CD109: variants seen among roughly 807,000 people sequenced by gnomAD.
CD109 encodes the protein CD109 antigen.
In CD109, 149 loss-of-function variants were observed where a neutral mutation model predicts 165.8. That is an observed-to-expected ratio of 0.90 (90% CI 0.79 to 1.03). The LOEUF (loss-of-function observed/expected upper bound fraction) is 1.03, where lower values mean the gene tolerates loss of function less well. Ranked by LOEUF, CD109 falls within the 50% of genes least tolerant of loss-of-function variation. The pLI is 0.00. For synonymous variants in CD109, 585 were observed against 592.1 expected, an observed-to-expected ratio of 0.99 and a Z score of 0.18; for missense variants, 1,712 against 1,677.8, an observed-to-expected ratio of 1.02 and a Z score of -0.36.
intron 15 of CD109, among the ~76,000 whole-genome samples, chr6:73,772,633 A>G (rs533983296): frequency 7.2e-5 from 11 of 152,090 alleles, no homozygotes; most frequent in Admixed American, 5.9e-4. Flanking sequence ...AACATCTAGC[A>G]TTGCATAAAT....
At chr6:73,811,563 G>A (rs937466464) in intron 28 of CD109, among the ~76,000 whole-genome samples, 1 of 152,158 alleles carries the variant, frequency 6.6e-6, no homozygotes, top group East Asian at 1.9e-4. Context: ...CATGTTACTA[G>A]TAACAGTAGA....
In CD109 at chr6:73,804,763, T is replaced by C. The variant is rs139150121; in HGVS notation, c.2960+1462T>C. Among the ~76,000 whole-genome samples, 85 of 152,362 alleles carry C rather than the reference T, an allele frequency of 5.6e-4. 1 individual carries two copies. Among genetic ancestry groups the C allele is most frequent in the African/African-American group, 2.0e-3 (82 of 41,580 alleles). Reference sequence around the variant, plus strand: ...CACAGCTTTGGGGCTGACTGAAGCGTGTTGGAGCTCTTCTTTGGTAAATAT... The same window carrying C: ...CACAGCTTTGGGGCTGACTGAAGCGCGTTGGAGCTCTTCTTTGGTAAATAT... On this transcript the variant is annotated intron_variant, in intron 24 of 32. Transcript: ENST00000287097.
chr6:73,732,938 C>T (rs1772416648), intron 4 of CD109, among the ~76,000 whole-genome samples: 2 of 152,070 alleles, frequency 1.3e-5, no homozygotes, highest in South Asian at 4.1e-4. Flanking sequence ...GGAGTTTAAA[C>T]TAAAATTCTA....
intron 16 of CD109, among the ~76,000 whole-genome samples, 200 bp downstream of exon 16, chr6:73,780,698 A>T (rs1393278760): frequency 6.7e-6 from 1 of 150,202 alleles, no homozygotes; most frequent in African/African-American, 2.4e-5. Context: ...CCATTGGAAA[A>T]GTTAATGGAA....
intron 2 of CD109, among the ~76,000 whole-genome samples, chr6:73,719,139 G>A (rs1310809274): frequency 6.6e-6 from 1 of 152,042 alleles, no homozygotes; most frequent in African/African-American, 2.4e-5. Flanking sequence ...TCAGAAATAT[G>A]GGGTGTATTT....
intron 14 of CD109, among the ~76,000 whole-genome samples, chr6:73,768,757 A>G (rs1773937913): frequency 6.6e-6 from 1 of 152,172 alleles, no homozygotes; most frequent in Non-Finnish European, 1.5e-5. Flanking sequence ...AGTGCCTTTT[A>G]TAGCCTAATG....
At position 73,823,577 on chromosome 6, in the gene CD109, T is replaced by G. The variant is rs764408930; in HGVS notation, c.4282T>G (p.Ser1428Ala). Residue 1428 changes from serine (S) to alanine (A), a missense_variant, in exon 33 of 33, where the codon TCA becomes GCA. Ser to Ala is a moderately conservative substitution (Grantham distance 99). Coordinates refer to ENST00000287097, the MANE Select transcript of CD109 (RefSeq NM_133493.5). ...DGASGSHHHSSVIFIFCFKLL... is the reference protein window; with the variant it reads ...DGASGSHHHSAVIFIFCFKLL... ...AGCTTCAGGCTCCCATCATCACTCT[T>G]CAGTCATTTTTATTTTCTGTTTCAA... 2.3e-5 allele frequency: 37 copies of G among 1,613,758 alleles called. No individual in the cohort carries two copies. The highest frequency in any genetic ancestry group is 3.1e-5 in the Non-Finnish European group (37 of 1,179,958).
At chr6:73,766,252 G>T in intron 11 of CD109, 98 bp downstream of exon 11, 1 of 884,244 alleles carries the variant, frequency 1.1e-6, no homozygotes, top group South Asian at 1.7e-5. Flanking sequence ...AAGTACATAG[G>T]AAGTGGACAC....
In CD109 at chr6:73,730,342, A is replaced by T. The variant is rs1168310607; in HGVS notation, c.277-2A>T. The T allele has an allele frequency of 6.3e-7, 1 of 1,584,120 alleles. No individual in the cohort carries two copies. Among genetic ancestry groups the T allele is most frequent in the Non-Finnish European group, 8.6e-7 (1 of 1,158,368 alleles). On this transcript the variant is annotated splice_acceptor_variant, in intron 3 of 32. Transcript: ENST00000287097. LOFTEE classifies it high-confidence loss of function. Reference sequence around the variant, plus strand: ...TGATGTGTGATCTCTTTTTCCCCCCAGCTACCTCTGAACAGTGCAGATGAG... The same window carrying T: ...TGATGTGTGATCTCTTTTTCCCCCCTGCTACCTCTGAACAGTGCAGATGAG...
rs551656543 is a variant in CD109, at chr6:73,697,288, C to T, written c.75-112C>T. On this transcript the variant is annotated intron_variant, in intron 1 of 32. Transcript: ENST00000287097. ...CAGTGGGCAATGTTAACGGAAACAA[C>T]TGCAATTGGCGCAGTATGGAGTGCC... 1.8e-4 allele frequency: 159 copies of T among 863,674 alleles called. 1 individual carries two copies. Among genetic ancestry groups the T allele is most frequent in the South Asian group, 4.8e-4 (28 of 58,562 alleles). 53.5% of individuals were successfully genotyped at this position (863,674 alleles called of 1,614,324 possible).
intron 5 of CD109, among the ~76,000 whole-genome samples, chr6:73,756,108 T>C (rs1187221124): frequency 6.6e-6 from 1 of 152,344 alleles, no homozygotes; most frequent in East Asian, 1.9e-4. Context: ...GATGTATTGA[T>C]TTAAGAATTA....
chr6:73,737,635 A>G (rs1483481699), intron 5 of CD109, among the ~76,000 whole-genome samples: 2 of 152,352 alleles, frequency 1.3e-5, no homozygotes, highest in African/African-American at 2.4e-5. Flanking sequence ...CCACTGTTAT[A>G]AATGGCAGCC....
At chr6:73,700,072 C>T (rs1771004535) in intron 2 of CD109, among the ~76,000 whole-genome samples, 1 of 152,146 alleles carries the variant, frequency 6.6e-6, no homozygotes, top group South Asian at 2.1e-4. Flanking sequence ...ACACCAAACA[C>T]CAACAAATAA....
chr6:73,746,685 T>G (rs1562043952), intron 5 of CD109, among the ~76,000 whole-genome samples: 1 of 152,164 alleles, frequency 6.6e-6, no homozygotes, highest in Non-Finnish European at 1.5e-5. Flanking sequence ...GGAGTATGAA[T>G]GTGCTTGTGA....
chr6:73,730,496 G>GC lies in CD109; in HGVS notation c.430dup (p.Gln144ProfsTer15), dbSNP rs752703405. 4 of 1,614,126 alleles carry GC rather than the reference G, an allele frequency of 2.5e-6. No homozygotes were observed. Among genetic ancestry groups the GC allele is most frequent in the Non-Finnish European group, 2.5e-6 (3 of 1,180,004 alleles). ...CAGACAAGGCCTTATACAAGCCAAA[G>GC]CAAGAAGTGAAGTTTCGCATTGTTA... On this transcript the variant is annotated frameshift_variant, in exon 4 of 33. Transcript: ENST00000287097. LOFTEE classifies it high-confidence loss of function.
Position 73,811,091 on chromosome 6 carries a change from A to G in CD109, c.3646A>G (p.Ser1216Gly). The G allele has an allele frequency of 1.2e-6, 2 of 1,613,440 alleles. No homozygotes were observed. Among genetic ancestry groups the G allele is most frequent in the African/African-American group, 2.7e-5 (2 of 75,002 alleles). Reference sequence around the variant, plus strand: ...GACCGTGACGGGGCCTAGCTCACCAAGTCCTGTAAAGTTTCTGATTGACAC... The same window carrying G: ...GACCGTGACGGGGCCTAGCTCACCAGGTCCTGTAAAGTTTCTGATTGACAC... ...QVTVTGPSSP[S>G]PVKFLIDTHN... The change falls in exon 28 of 33, where the codon AGT becomes GGT. Residue 1216 changes from serine (S) to glycine (G), a missense_variant. By Grantham distance (56) the Ser-to-Gly change is moderately conservative. Coordinates refer to ENST00000287097, the MANE Select transcript of CD109 (RefSeq NM_133493.5).
chr6:73,736,422 C>T lies in CD109; in HGVS notation c.547C>T (p.Gln183Ter). 6.2e-7 allele frequency: 1 copy of T among 1,613,876 alleles called. No homozygotes were observed. Among genetic ancestry groups the T allele is most frequent in the East Asian group, 2.2e-5 (1 of 44,854 alleles). ...SNLIQQWLSQ[Q>*]SDLGVISKTF... Reference sequence around the variant, plus strand: ...TTTGATCCAACAGTGGTTGTCACAACAAAGTGATCTTGGAGTCATTTCCAA... The same window carrying T: ...TTTGATCCAACAGTGGTTGTCACAATAAAGTGATCTTGGAGTCATTTCCAA... The change falls in exon 5 of 33, where the codon CAA (glutamine) becomes TAA (stop). Residue 183 changes from glutamine (Q) to a stop codon, truncating the protein, a stop_gained. Transcript: ENST00000287097. LOFTEE classifies it high-confidence loss of function.
intron 22 of CD109, 66 bp from the exon 23 acceptor site, chr6:73,792,560 C>G (rs564808524): frequency 7.0e-7 from 1 of 1,433,176 alleles, no homozygotes; most frequent in African/African-American, 1.4e-5. Context: ...GTGGAAGTCT[C>G]TTTGCCACCA....
At chr6:73,807,160 C>A in intron 25 of CD109, 88 bp downstream of exon 25, 2 of 924,740 alleles carry the variant, frequency 2.2e-6, no homozygotes, top group Non-Finnish European at 3.4e-6. Context: ...GGAAACTTAA[C>A]AAGTTGCAGC....
Sources: allele counts gnomAD v4.1 joint callset (sites outside exome capture counted in the v4.1 genomes callset), GRCh38; gene constraint gnomAD v4.1.1; transcripts MANE v1.5; gene names NCBI Gene and HGNC (gene_info 2026-07-23, HGNC 2026-07-21).